Variants in ROBO2 observed in about 807,000 individuals in gnomAD.
ROBO2 encodes the protein roundabout homolog 2.
A neutral mutation model predicts 160.8 loss-of-function variants in ROBO2; 53 were observed. That is an observed-to-expected ratio of 0.33 (90% confidence interval 0.26 to 0.41). The LOEUF (loss-of-function observed/expected upper bound fraction) is 0.41. Among genes scored for constraint, ROBO2 ranks in the 10% least tolerant of loss-of-function variants. The pLI is 1.00. For synonymous variants in ROBO2, 664 were observed against 611.7 expected, an observed-to-expected ratio of 1.09 and a Z score of -1.26; for missense variants, 1,577 against 1,722.4, an observed-to-expected ratio of 0.92 and a Z score of 1.49.
At chr3:76,845,511 A>T (rs1300459777) in intron 2 of ROBO2, among the ~76,000 whole-genome samples, 2 of 152,006 alleles carry the variant, frequency 1.3e-5, no homozygotes, top group Admixed American at 6.6e-5. Context: ...TTACCCCAAG[A>T]TCTCGAAGTT....
chr3:76,156,371 G>A (rs2072409962), intron 2 of ROBO2, among the ~76,000 whole-genome samples: 2 of 152,252 alleles, frequency 1.3e-5, no homozygotes, highest in Admixed American at 1.3e-4. Flanking sequence ...TGCAAAAGAA[G>A]CCATATAGTA....
At chr3:77,154,513 A>C (rs2150556527) in intron 2 of ROBO2, among the ~76,000 whole-genome samples, 1 of 152,178 alleles carries the variant, frequency 6.6e-6, no homozygotes, top group South Asian at 2.1e-4. Context: ...CAACAATCCC[A>C]TTTCTGGGTA....
At chr3:76,179,995 C>T (rs576043534) in intron 2 of ROBO2, among the ~76,000 whole-genome samples, 4 of 152,222 alleles carry the variant, frequency 2.6e-5, no homozygotes, top group African/African-American at 7.2e-5. Context: ...TTATTTATTT[C>T]GTCCGTGCCA....
intron 2 of ROBO2, among the ~76,000 whole-genome samples, chr3:76,600,333 A>G (rs2087043407): frequency 6.6e-6 from 1 of 152,166 alleles, no homozygotes; most frequent in Non-Finnish European, 1.5e-5. Flanking sequence ...AGATTTTTTT[A>G]AACCTTCTAC....
intron 2 of ROBO2, among the ~76,000 whole-genome samples, chr3:76,103,045 A>G (rs62268905): frequency 0.18 from 27,759 of 151,804 alleles, 2,952 homozygotes; most frequent in African/African-American, 0.29. Context: ...GGATGGTCTC[A>G]ATCTCCTGAC....
At chr3:77,200,265 T>TA (rs2082717549) in intron 2 of ROBO2, among the ~76,000 whole-genome samples, 5 of 59,040 alleles carry the variant, frequency 8.5e-5, no homozygotes, top group Non-Finnish European at 1.7e-4. Context: ...AACTAACATA[T>TA]TTTATATATA....
intron 2 of ROBO2, among the ~76,000 whole-genome samples, chr3:75,939,241 A>T (rs1454304316): frequency 6.6e-6 from 1 of 152,184 alleles, no homozygotes; most frequent in Admixed American, 6.6e-5. Context: ...ATCCAACATG[A>T]CATGTAGTAT....
chr3:76,468,931 C>T (rs557408866), intron 2 of ROBO2, among the ~76,000 whole-genome samples: 7 of 152,032 alleles, frequency 4.6e-5, no homozygotes, highest in Non-Finnish European at 8.8e-5. Context: ...TCCTACTTCA[C>T]GTCTCTCTTT....
chr3:75,989,590 G>C (rs1312241708), intron 2 of ROBO2, among the ~76,000 whole-genome samples: 1 of 152,104 alleles, frequency 6.6e-6, no homozygotes, highest in Non-Finnish European at 1.5e-5. Context: ...AACTTCTTAG[G>C]AGTTGCAGGT....
At chr3:76,472,098 T>TGTGTGC (rs1553765901) in intron 2 of ROBO2, among the ~76,000 whole-genome samples, 6 of 110,218 alleles carry the variant, frequency 5.4e-5, no homozygotes, top group Non-Finnish European at 1.9e-5. Context: ...TGTGTGTGTG[T>TGTGTGC]GTGCGCGTGT....
intron 2 of ROBO2, among the ~76,000 whole-genome samples, chr3:76,364,238 A>C (rs1389776882): frequency 6.6e-6 from 1 of 152,074 alleles, no homozygotes; most frequent in Non-Finnish European, 1.5e-5. Flanking sequence ...CACTCCAGGA[A>C]TACCTTCCCT....
At chr3:77,139,934 CAG>C (rs1442206492) in intron 2 of ROBO2, among the ~76,000 whole-genome samples, 1 of 152,192 alleles carries the variant, frequency 6.6e-6, no homozygotes, top group African/African-American at 2.4e-5. Context: ...CACCAAAACT[CAG>C]AGAGTATATC....
intron 2 of ROBO2, among the ~76,000 whole-genome samples, chr3:76,891,393 T>A (rs1316491987): frequency 1.3e-5 from 2 of 152,204 alleles, no homozygotes; most frequent in Non-Finnish European, 2.9e-5. Context: ...TAAAAATCTA[T>A]GCAAAACCAT....
At chr3:76,634,243 T>C (rs2090189476) in intron 2 of ROBO2, among the ~76,000 whole-genome samples, 1 of 152,152 alleles carries the variant, frequency 6.6e-6, no homozygotes, top group Non-Finnish European at 1.5e-5. Flanking sequence ...CATCCCTGGT[T>C]TCACTTTTGT....
At chr3:77,366,561 T>A (rs2153473204) in intron 2 of ROBO2, among the ~76,000 whole-genome samples, 1 of 152,274 alleles carries the variant, frequency 6.6e-6, no homozygotes, top group Middle Eastern at 3.4e-3. Context: ...CATAAGTGTC[T>A]CAGTCTGTTT....
intron 2 of ROBO2, among the ~76,000 whole-genome samples, chr3:77,130,307 G>T (rs561075408): frequency 2.0e-4 from 31 of 152,296 alleles, no homozygotes; most frequent in African/African-American, 7.5e-4. Context: ...ATGCATGGCT[G>T]TTGTTGTGAA....
intron 2 of ROBO2, among the ~76,000 whole-genome samples, chr3:76,961,314 A>T (rs2079646108): frequency 6.6e-6 from 1 of 152,142 alleles, no homozygotes; most frequent in African/African-American, 2.4e-5. Flanking sequence ...TGTAAAAAAA[A>T]AAAATCCAAT....
chr3:76,394,588 A>G (rs1444197628), intron 2 of ROBO2, among the ~76,000 whole-genome samples: 2 of 151,982 alleles, frequency 1.3e-5, no homozygotes. Flanking sequence ...TGAATCTGAC[A>G]ATTATGTGTC....
intron 2 of ROBO2, among the ~76,000 whole-genome samples, chr3:77,427,103 C>T (rs115986925): frequency 0.013 from 2,027 of 152,102 alleles, 46 homozygotes; most frequent in African/African-American, 0.044. Flanking sequence ...ATGGAATGTG[C>T]GGAATATGAG....
Sources: allele counts gnomAD v4.1 joint callset (sites outside exome capture counted in the v4.1 genomes callset), GRCh38; gene constraint gnomAD v4.1.1; transcripts MANE v1.5; gene names NCBI Gene and HGNC (gene_info 2026-07-23, HGNC 2026-07-21).